ARK2N: variants seen among roughly 807,000 people sequenced by gnomAD.
The protein encoded by ARK2N is arkadia (RNF111) N-terminal like PKA signaling regulator 2N.
chr18:46,207,778 C>A, the ARK2N span, among the ~76,000 whole-genome samples: 2 of 152,342 alleles, frequency 1.3e-5, no homozygotes, highest in Non-Finnish European at 2.9e-5. Context: ...TCAATAACTG[C>A]AACCCTTCCA....
chr18:46,244,526 T>C, the ARK2N span, among the ~76,000 whole-genome samples: 1 of 151,302 alleles, frequency 6.6e-6, no homozygotes, highest in Non-Finnish European at 1.5e-5. Context: ...TGTTTCAGAA[T>C]CAGTATAGTG....
the ARK2N span, among the ~76,000 whole-genome samples, chr18:46,224,305 A>G: frequency 6.6e-6 from 1 of 152,162 alleles, no homozygotes; most frequent in Admixed American, 6.5e-5. Context: ...CACACAGACC[A>G]GCGTTTGTAA....
the ARK2N span, among the ~76,000 whole-genome samples, chr18:46,200,688 T>C: frequency 6.6e-6 from 1 of 152,226 alleles, no homozygotes; most frequent in Admixed American, 6.5e-5. Context: ...ATGAAGTGGC[T>C]TCTTATTCAT....
At chr18:46,191,677 C>T in the ARK2N span, among the ~76,000 whole-genome samples, 1 of 152,132 alleles carries the variant, frequency 6.6e-6, no homozygotes, top group East Asian at 1.9e-4. Context: ...GTCCTTCTCA[C>T]CCAAAGTTCA....
chr18:46,195,153 A>T, the ARK2N span, among the ~76,000 whole-genome samples: 1 of 151,248 alleles, frequency 6.6e-6, no homozygotes, highest in Admixed American at 6.6e-5. Context: ...TGTAATAATG[A>T]TTCCCTGTGT....
the ARK2N span, among the ~76,000 whole-genome samples, chr18:46,174,792 C>CCGCCAGCTCCGAGAGTAGGGGGTCTGG: frequency 6.6e-6 from 1 of 152,220 alleles, no homozygotes; most frequent in East Asian, 1.9e-4. Context: ...GGCGGCAACT[C>CCGCCAGCTCCGAGAGTAGGGGGTCTGG]CGCCAGCTCC....
At chr18:46,197,840 T>C in the ARK2N span, among the ~76,000 whole-genome samples, 2 of 152,220 alleles carry the variant, frequency 1.3e-5, no homozygotes, top group Non-Finnish European at 2.9e-5. Context: ...TTAGGACTTA[T>C]GATTCTGCAT....
chr18:46,253,208 T>C, the ARK2N span, among the ~76,000 whole-genome samples: 15 of 152,346 alleles, frequency 9.8e-5, no homozygotes, highest in East Asian at 3.9e-4. Flanking sequence ...TGATTACTTC[T>C]ATTATTCTAT....
chr18:46,178,581 A>T, the ARK2N span, among the ~76,000 whole-genome samples: 1 of 152,200 alleles, frequency 6.6e-6, no homozygotes, highest in South Asian at 2.1e-4. Context: ...AAGTGTTGGG[A>T]TTATAGGCGG....
the ARK2N span, among the ~76,000 whole-genome samples, chr18:46,191,045 C>T: frequency 6.6e-6 from 1 of 152,048 alleles, no homozygotes; most frequent in East Asian, 1.9e-4. Context: ...TATCTCGGCA[C>T]TGTTTTTTAT....
At chr18:46,234,937 G>A in the ARK2N span, among the ~76,000 whole-genome samples, 1 of 152,146 alleles carries the variant, frequency 6.6e-6, no homozygotes, top group Non-Finnish European at 1.5e-5. Flanking sequence ...TACTATGGCT[G>A]CATAGACATT....
At chr18:46,213,845 C>T in the ARK2N span, among the ~76,000 whole-genome samples, 4 of 152,010 alleles carry the variant, frequency 2.6e-5, no homozygotes, top group African/African-American at 4.8e-5. Flanking sequence ...TACAGGCGCT[C>T]GCCACCATGC....
the ARK2N span, among the ~76,000 whole-genome samples, chr18:46,251,916 G>A: frequency 2.0e-5 from 3 of 152,156 alleles, no homozygotes; most frequent in African/African-American, 7.2e-5. Flanking sequence ...ATTTGGCCAG[G>A]TGCGGTGGCT....
At chr18:46,258,569 G>T in the ARK2N span, among the ~76,000 whole-genome samples, 5 of 151,994 alleles carry the variant, frequency 3.3e-5, no homozygotes, top group African/African-American at 1.2e-4. Context: ...TAACATTTTG[G>T]GAAGCAAGAC....
chr18:46,264,975 A>G, the ARK2N span: 1 of 152,504 alleles, frequency 6.6e-6, no homozygotes, highest in Non-Finnish European at 1.5e-5. Flanking sequence ...AGCAACTCAT[A>G]TATCAGTCTC....
chr18:46,263,028 T>C, the ARK2N span: 2 of 1,614,096 alleles, frequency 1.2e-6, no homozygotes, highest in Non-Finnish European at 1.7e-6. Context: ...AGTCATGGAC[T>C]GCTGTGACTC....
chr18:46,209,640 G>T, the ARK2N span, among the ~76,000 whole-genome samples: 1 of 152,116 alleles, frequency 6.6e-6, no homozygotes, highest in Non-Finnish European at 1.5e-5. Context: ...CTGTCACTCA[G>T]GCTGGAGTGC....
At chr18:46,259,643 C>T in the ARK2N span, among the ~76,000 whole-genome samples, 934 of 146,746 alleles carry the variant, frequency 6.4e-3, 10 homozygotes, top group African/African-American at 0.022. Context: ...CGAGGCTCAG[C>T]CACCCAGGCT....
chr18:46,221,391 CAAA>C, the ARK2N span, among the ~76,000 whole-genome samples: 1 of 118,338 alleles, frequency 8.5e-6, no homozygotes. Flanking sequence ...ACTAAAAATA[CAAA>C]AAAAAAAAAA....
Sources: gnomAD v4.1 joint callset for allele counts (sites outside exome capture counted in the v4.1 genomes callset) on GRCh38, gnomAD v4.1.1 for gene constraint, MANE v1.5 for transcripts, NCBI Gene and HGNC (gene_info 2026-07-23, HGNC 2026-07-21) for gene names.